FGD2: variants seen among roughly 807,000 people sequenced by gnomAD.
The protein encoded by FGD2 is FYVE, RhoGEF and PH domain containing 2, also known as FYVE, RhoGEF and PH domain-containing protein 2.
A neutral mutation model predicts 75.9 loss-of-function variants in FGD2; 52 were observed. The ratio of observed to expected loss-of-function variants is 0.69; its 90% confidence interval spans 0.55 to 0.86. FGD2 has a LOEUF of 0.86. FGD2 is among the 40% of genes least tolerant of loss of function. FGD2 has a pLI of 0.00. For missense variants in FGD2, 790 were observed against 872.0 expected (o/e 0.91, Z 1.18); for synonymous variants, 347 against 348.6 (o/e 1.00, Z 0.05).
chr6:37,022,103 G>T, intron 12 of FGD2, 136 bp from the exon 13 acceptor site: 1 of 1,222,150 alleles, frequency 8.2e-7, no homozygotes. Context: ...CAGTCAGCTT[G>T]CTGTAGAAGC....
Position 37,028,062 on chromosome 6 carries a change from G to A in FGD2, c.1867G>A (p.Ala623Thr), listed in dbSNP as rs777758213. The part of the protein sequence containing the change: ...QQSGQLYTFK[A>T]ETEELKGRWV... ...GTCAGGCCAGCTCTACACCTTCAAG[G>A]CCGAGACGGAGGAGCTGAAGGGCCG... Residue 623 changes from alanine (A) to threonine (T), a missense_variant, in exon 16 of 16, where the codon GCC (alanine) becomes ACC (threonine). Ala to Thr is a moderately conservative substitution (Grantham distance 58). Coordinates refer to ENST00000274963, the MANE Select transcript of FGD2 (RefSeq NM_173558.4). The A allele has an allele frequency of 6.2e-7, 1 of 1,613,924 alleles. No homozygotes were observed. Among genetic ancestry groups the A allele is most frequent in the South Asian group, 1.1e-5 (1 of 91,078 alleles).
chr6:37,028,392 G>T lies in FGD2; in HGVS notation c.*229G>T, dbSNP rs1418693967. ...TCTCAGTTTGCCTTGCGGGGAGGGGGCTCCTGGGCCATGGGACTTCCAGTG... is the reference window on the plus strand; with the variant it reads ...TCTCAGTTTGCCTTGCGGGGAGGGGTCTCCTGGGCCATGGGACTTCCAGTG... On this transcript the variant is annotated 3_prime_UTR_variant, in exon 16 of 16. Transcript: ENST00000274963. 9.9e-6 allele frequency: 5 copies of T among 503,016 alleles called. No individual in the cohort carries two copies. In the Admixed American group the frequency reaches 1.4e-4, roughly 14 times the overall value. 31.2% of individuals were successfully genotyped at this position (503,016 alleles called of 1,614,324 possible).
In FGD2 at chr6:37,011,550, C is replaced by T. The variant is rs1285563084; in HGVS notation, c.379-156C>T. 7.9e-5 allele frequency: 80 copies of T among 1,018,724 alleles called. 2 individuals carry two copies. In the Middle Eastern group the frequency reaches 9.5e-4, roughly 12 times the overall value. 63.1% of individuals were successfully genotyped at this position (1,018,724 alleles called of 1,614,324 possible). On this transcript the variant is annotated intron_variant, in intron 3 of 15. Coordinates refer to ENST00000274963, the MANE Select transcript of FGD2 (RefSeq NM_173558.4). ...CATCTGTAAAGTGGCCAGAACACAA[C>T]CTCCCCTGCCTTCTTTTCCCGGGGT...
At chr6:37,015,621 T>A in intron 8 of FGD2, 147 bp from the exon 9 acceptor site, 1 of 712,328 alleles carries the variant, frequency 1.4e-6, no homozygotes. Context: ...TCACCTGTGA[T>A]GTCCTGTGAG....
intron 2 of FGD2, 187 bp downstream of exon 2, chr6:37,009,252 G>C: frequency 1.7e-6 from 1 of 598,470 alleles, no homozygotes. Flanking sequence ...TGCCTGCTAC[G>C]CACCGTGCTG....
At chr6:37,019,141 G>A (rs1224487) in intron 9 of FGD2, among the ~76,000 whole-genome samples, 102,646 of 152,042 alleles carry the variant, frequency 0.68, 35,864 homozygotes, top group East Asian at 0.89. Flanking sequence ...CCCTGACCCA[G>A]TTAGAAACCT....
Position 37,028,861 on chromosome 6 carries a change from C to T in FGD2, c.*698C>T, listed in dbSNP as rs910547307. 1.3e-5 allele frequency: 2 copies of T among 151,802 alleles called. No individual in the cohort carries two copies. Among genetic ancestry groups the T allele is most frequent in the African/African-American group, 4.8e-5 (2 of 41,304 alleles). The allele number at this position is 151,802 out of a possible 1,614,324, so 9.4% of individuals were successfully genotyped here. On this transcript the variant is annotated 3_prime_UTR_variant, in exon 16 of 16. Coordinates refer to ENST00000274963, the MANE Select transcript of FGD2 (RefSeq NM_173558.4). ...CAGCCTCAAGCGATGCTCCCACCTC[C>T]ACCTCCCAAAGTGCTGGGATTACAG... is the stretch of plus-strand genomic sequence containing the variant.
chr6:37,027,999 G>A lies in FGD2; in HGVS notation c.1804G>A (p.Gly602Arg). ...CCTGCTGGGCTACCAGGTGACTGTT[G>A]GGCCCCAGGGGGACCCTCGGGTCTT... Reference protein sequence around the residue: ...IPLLGYQVTVGPQGDPRVFQL... With the variant: ...IPLLGYQVTVRPQGDPRVFQL... The change falls in exon 16 of 16, where the codon GGG becomes AGG. Residue 602 changes from glycine (G) to arginine (R), a missense_variant. Transcript: ENST00000274963. 1.2e-6 allele frequency: 2 copies of A among 1,614,076 alleles called. No homozygotes were observed. Among genetic ancestry groups the A allele is most frequent in the Non-Finnish European group, 1.7e-6 (2 of 1,180,022 alleles).
intron 1 of FGD2, among the ~76,000 whole-genome samples, chr6:37,006,986 A>G (rs1291078059): frequency 6.6e-6 from 1 of 152,118 alleles, no homozygotes; most frequent in Admixed American, 6.5e-5. Flanking sequence ...TCTCTCTTCC[A>G]GAGAGTGATT....
At chr6:37,020,890 G>A (rs1030687785) in intron 11 of FGD2, 151 bp downstream of exon 11, 112 of 495,334 alleles carry the variant, frequency 2.3e-4, no homozygotes, top group Non-Finnish European at 3.5e-4. Context: ...ATGTATGCAT[G>A]TGTGTGTGTG....
In FGD2 at chr6:37,008,876, G is replaced by A. The variant is rs1315831440; in HGVS notation, c.111G>A (p.Val37=). 6.2e-7 allele frequency: 1 copy of A among 1,612,760 alleles called. No homozygotes were observed. Among genetic ancestry groups the A allele is most frequent in the Admixed American group, 1.7e-5 (1 of 59,966 alleles). The change falls in exon 2 of 16, where the codon GTG becomes GTA. Residue 37 remains valine, a synonymous_variant. Transcript: ENST00000274963. ...AAPRGQRLED[V]HHRPECRPPE... is the part of the protein sequence containing the mutation. ...CCAGAGGCCAGAGGCTAGAGGACGT[G>A]CATCACCGCCCTGAGTGCAGGCCTC...
At chr6:37,022,209 C>T in intron 12 of FGD2, 30 bp from the exon 13 acceptor site, 1 of 1,590,842 alleles carries the variant, frequency 6.3e-7, no homozygotes. Context: ...ACCAAGGGCC[C>T]ATTCCTGCCC....
chr6:37,012,395 T>C (rs1765053381), intron 4 of FGD2, among the ~76,000 whole-genome samples: 1 of 152,162 alleles, frequency 6.6e-6, no homozygotes, highest in Non-Finnish European at 1.5e-5. Flanking sequence ...TTAAAACATT[T>C]ATAATAAACT....
chr6:37,028,040 A>G lies in FGD2; in HGVS notation c.1845A>G (p.Ser615=). 6.2e-7 allele frequency: 1 copy of G among 1,613,650 alleles called. No individual in the cohort carries two copies. The change falls in exon 16 of 16, where the codon TCA becomes TCG. Residue 615 remains serine, a synonymous_variant. Transcript: ENST00000274963. ...CTCGGGTCTTCCAGCTACAGCAGTC[A>G]GGCCAGCTCTACACCTTCAAGGCCG... is the stretch of plus-strand genomic sequence containing the variant. ...GDPRVFQLQQ[S]GQLYTFKAET...
At chr6:37,015,956 A>G (rs763637210) in intron 9 of FGD2, 96 bp downstream of exon 9, 34 of 1,151,294 alleles carry the variant, frequency 3.0e-5, no homozygotes, top group Non-Finnish European at 3.6e-5. Context: ...CAATCACAGA[A>G]CCAAACCCTT....
At position 37,021,612 on chromosome 6, in the gene FGD2, A is replaced by G. The variant is rs1444971060; in HGVS notation, c.1326+8A>G. On this transcript the variant is annotated splice_region_variant and intron_variant, in intron 12 of 15. Coordinates refer to ENST00000274963, the MANE Select transcript of FGD2 (RefSeq NM_173558.4). ...GACATCCAGGAGCAGGAGGTAAATG[A>G]AGGCTTTTTCATCCCTTGCTGGAGC... 1 of 1,612,302 alleles carries G rather than the reference A, an allele frequency of 6.2e-7. No homozygotes were observed. Among genetic ancestry groups the G allele is most frequent in the Non-Finnish European group, 8.5e-7 (1 of 1,178,904 alleles).
chr6:37,023,140 T>G lies in FGD2; in HGVS notation c.1458+770T>G, dbSNP rs186048922. The G allele has an allele frequency of 5.3e-4, 83 of 155,202 alleles. 1 individual carries two copies. The Middle Eastern group carries it at 0.012, about 22-fold the overall frequency. The allele number at this position is 155,202 out of a possible 1,614,324, so 9.6% of individuals were successfully genotyped here. ...GCCCACTATGCACTCACCCACCCCGTCATCCTCTCTTTACCCGCTTCGGCT... is the reference window on the plus strand; with the variant it reads ...GCCCACTATGCACTCACCCACCCCGGCATCCTCTCTTTACCCGCTTCGGCT... On this transcript the variant is annotated intron_variant, in intron 13 of 15. Transcript: ENST00000274963.
chr6:37,007,716 C>T (rs771672678), intron 1 of FGD2, among the ~76,000 whole-genome samples: 25 of 152,186 alleles, frequency 1.6e-4, no homozygotes, highest in Non-Finnish European at 2.1e-4. Flanking sequence ...GCCAGGGGCC[C>T]TAGAACAGAA....
chr6:37,006,192 A>G (rs567805391), intron 1 of FGD2, among the ~76,000 whole-genome samples: 19 of 152,368 alleles, frequency 1.2e-4, no homozygotes, highest in Non-Finnish European at 2.5e-4. Flanking sequence ...CTCTCAGAAA[A>G]GGTAGCTGAT....
Sources: gnomAD v4.1 joint callset for allele counts (sites outside exome capture counted in the v4.1 genomes callset) on GRCh38, gnomAD v4.1.1 for gene constraint, MANE v1.5 for transcripts, NCBI Gene and HGNC (gene_info 2026-07-23, HGNC 2026-07-21) for gene names.